UTP20: variants seen among roughly 807,000 people sequenced by gnomAD.
The protein encoded by UTP20 is small subunit processome component 20 homolog.
UTP20 carries 164 observed loss-of-function variants against 329.5 expected under a neutral mutation model. The ratio of observed to expected loss-of-function variants is 0.50; its 90% CI spans 0.44 to 0.57. UTP20 has a LOEUF of 0.57. Ranked by LOEUF, UTP20 falls within the 20% of genes least tolerant of loss-of-function variation. The pLI is 0.00. For synonymous variants in UTP20, 1,151 were observed against 1,159.3 expected, an observed-to-expected ratio of 0.99 and a Z score of 0.14; for missense variants, 3,055 against 3,284.2, an observed-to-expected ratio of 0.93 and a Z score of 1.71.
At position 101,311,237 on chromosome 12, in the gene UTP20, ATGTGATCCATC is replaced by A. The variant is rs1456274743; in HGVS notation, c.2232-480_2232-470del. On this transcript the variant is annotated intron_variant, in intron 19 of 61. Coordinates refer to ENST00000261637, the MANE Select transcript of UTP20 (RefSeq NM_014503.3). ...GGATATCAAACTACATAAGCACTTT[ATGTGATCCATC>A]TAATGTCTCCTTTTAAGTTCTGAAA... 3.3e-5 allele frequency among the ~76,000 whole-genome samples: 5 copies of A among 151,412 alleles called. No homozygotes were observed. The South Asian group carries it at 1.0e-3, about 32-fold the overall frequency.
intron 43 of UTP20, among the ~76,000 whole-genome samples, chr12:101,357,725 G>C (rs915635019): frequency 7.2e-5 from 11 of 152,190 alleles, no homozygotes; most frequent in African/African-American, 2.7e-4. Flanking sequence ...CAGAACTCCA[G>C]CCTGGGCTGC....
intron 45 of UTP20, 123 bp from the exon 46 acceptor site, chr12:101,365,336 T>A (rs554477156): frequency 6.9e-5 from 46 of 664,804 alleles, no homozygotes; most frequent in Admixed American, 1.4e-4. Flanking sequence ...TTAAGAATGC[T>A]TTTTAATTAG....
chr12:101,335,995 A>G (rs1346394871), intron 29 of UTP20, among the ~76,000 whole-genome samples: 9 of 152,094 alleles, frequency 5.9e-5, no homozygotes, highest in Admixed American at 3.3e-4. Context: ...TACAATAGAG[A>G]TTCATTTTTA....
At position 101,286,308 on chromosome 12, in the gene UTP20, T is replaced by A; in HGVS notation, c.327-13T>A. The stretch of plus-strand genomic sequence containing the variant: ...AAAATCCACATGATCAGTTGCTTCT[T>A]TTTTTAATCCAGTTTGGTTGTACAG... On this transcript the variant is annotated splice_polypyrimidine_tract_variant and intron_variant, in intron 4 of 61. Coordinates refer to ENST00000261637, the MANE Select transcript of UTP20 (RefSeq NM_014503.3). 6.4e-7 allele frequency: 1 copy of A among 1,555,708 alleles called. No individual in the cohort carries two copies. The highest frequency in any genetic ancestry group is 8.7e-7 in the Non-Finnish European group (1 of 1,152,726).
intron 38 of UTP20, among the ~76,000 whole-genome samples, chr12:101,351,228 G>A (rs991100896): frequency 1.3e-5 from 2 of 151,940 alleles, no homozygotes; most frequent in Non-Finnish European, 2.9e-5. Context: ...CCGGGATCAA[G>A]TGATCCTCCT....
intron 11 of UTP20, among the ~76,000 whole-genome samples, chr12:101,294,541 CTTT>C (rs1211436109): frequency 7.7e-6 from 1 of 129,294 alleles, no homozygotes; most frequent in Admixed American, 7.8e-5. Context: ...TCTCGTTTTT[CTTT>C]TTTTTTTTTT....
At chr12:101,362,102 G>C (rs1252373677) in intron 44 of UTP20, 42 bp downstream of exon 44, 1 of 1,416,242 alleles carries the variant, frequency 7.1e-7, no homozygotes. Context: ...TTTTAAGTGG[G>C]CCAACGACAC....
intron 57 of UTP20, among the ~76,000 whole-genome samples, chr12:101,380,283 TA>T (rs1299033739): frequency 6.6e-6 from 1 of 151,866 alleles, no homozygotes; most frequent in Non-Finnish European, 1.5e-5. Flanking sequence ...GAGACTTACA[TA>T]GGGGGATCAC....
chr12:101,379,336 A>G, intron 56 of UTP20, 35 bp from the exon 57 acceptor site: 1 of 1,552,594 alleles, frequency 6.4e-7, no homozygotes, highest in South Asian at 1.2e-5. Context: ...CAGGAAGGCC[A>G]TGTGACATCC....
At position 101,346,586 on chromosome 12, in the gene UTP20, A is replaced by G; in HGVS notation, c.4882A>G (p.Lys1628Glu). ...MTPIFDEKMLKHENITTAATE... is the reference protein window; with the variant it reads ...MTPIFDEKMLEHENITTAATE... ...TCCAATTTTTGATGAGAAAATGCTC[A>G]AGGTAGGTCATTAGATCTAGAAACC... The change falls in exon 38 of 62, where the codon AAG (lysine) becomes GAG (glutamate). Residue 1628 changes from lysine to glutamate, a missense_variant and splice_region_variant. Physicochemically the swap from Lys to Glu is moderately conservative, Grantham distance 56 (BLOSUM62 1). Transcript: ENST00000261637. 6.3e-7 allele frequency: 1 copy of G among 1,586,708 alleles called. No homozygotes were observed. Among genetic ancestry groups the G allele is most frequent in the Non-Finnish European group, 8.5e-7 (1 of 1,169,922 alleles).
rs1872567930 is a variant in UTP20 at position 101,303,211 on chromosome 12, C to T, written c.1781+658C>T. Among the ~76,000 whole-genome samples the T allele has an allele frequency of 3.3e-5, 5 of 152,246 alleles. No individual in the cohort carries two copies. In the South Asian group the frequency reaches 1.0e-3, roughly 32 times the overall value. On this transcript the variant is annotated intron_variant, in intron 15 of 61. Coordinates refer to ENST00000261637, the MANE Select transcript of UTP20 (RefSeq NM_014503.3). Reference sequence around the variant, plus strand: ...CATTTGCTTTTCTCACATGCCAAGCCCTGTTCCAGGCACTGTGAAACATAG... The same window carrying T: ...CATTTGCTTTTCTCACATGCCAAGCTCTGTTCCAGGCACTGTGAAACATAG...
Position 101,317,656 on chromosome 12 carries a change from G to C in UTP20, c.2731G>C (p.Ala911Pro). ...ACAGAAGAAAAAGACGAGGAGAGCT[G>C]CAGCAAAGTAAGTTCACCATTGCTG... is the stretch of plus-strand genomic sequence containing the variant. ...SSQKKKTRRA[A>P]AKQLIAHLQV... The change falls in exon 22 of 62, where the codon GCA (alanine) becomes CCA (proline). Residue 911 changes from alanine (A) to proline (P), a missense_variant. By Grantham distance (27) the Ala-to-Pro change is conservative. Around this residue, in one of 3 missense-constraint regions of UTP20, gnomAD observed 2,445 missense variants for 2,575.5 expected, o/e 0.95. Coordinates refer to ENST00000261637, the MANE Select transcript of UTP20 (RefSeq NM_014503.3). 1 of 1,607,876 alleles carries C rather than the reference G, an allele frequency of 6.2e-7. No individual in the cohort carries two copies. The highest frequency in any genetic ancestry group is 8.5e-7 in the Non-Finnish European group (1 of 1,177,390).
rs1374733229 is a variant in UTP20, at chr12:101,333,186, A to C, written c.3418-115A>C. On this transcript the variant is annotated intron_variant, in intron 27 of 61. Coordinates refer to ENST00000261637, the MANE Select transcript of UTP20 (RefSeq NM_014503.3). ...CCATGTAAATCAAGTCAACAGATTT[A>C]GTAACAGGATTTCCAGTTTGATTCT... is the stretch of plus-strand genomic sequence containing the variant. 3 of 983,860 alleles carry C rather than the reference A, an allele frequency of 3.0e-6. No individual in the cohort carries two copies. In the East Asian group the frequency reaches 7.8e-5, roughly 26 times the overall value. The allele number at this position is 983,860 out of a possible 1,614,324, so 60.9% of individuals were successfully genotyped here.
intron 38 of UTP20, among the ~76,000 whole-genome samples, chr12:101,346,976 C>T (rs764980160): frequency 1.3e-5 from 2 of 152,150 alleles, no homozygotes; most frequent in Non-Finnish European, 2.9e-5. Flanking sequence ...TAACACCATA[C>T]CAGGTACCAG....
chr12:101,311,896 G>A, intron 20 of UTP20, 98 bp downstream of exon 20: 6 of 1,552,892 alleles, frequency 3.9e-6, no homozygotes, highest in Non-Finnish European at 5.2e-6. Context: ...AAACAGAGAT[G>A]AAACATATAT....
At chr12:101,297,274 G>A (rs1872387389) in intron 12 of UTP20, among the ~76,000 whole-genome samples, 1 of 152,098 alleles carries the variant, frequency 6.6e-6, no homozygotes, top group Admixed American at 6.6e-5. Context: ...GGAGTGCAGT[G>A]GCACAATCAC....
intron 27 of UTP20, among the ~76,000 whole-genome samples, chr12:101,330,221 C>G (rs977947742): frequency 7.2e-5 from 11 of 152,038 alleles, no homozygotes; most frequent in African/African-American, 2.4e-4. Context: ...AAAAGGTGAT[C>G]TTTGAGCTTA....
At position 101,317,448 on chromosome 12, in the gene UTP20, C is replaced by T. The variant is rs1425218895; in HGVS notation, c.2553-30C>T. ...TTTCAGATTGGTGTGCGTTCTTCAT[C>T]AGTATCCTGTGACTTTCTTTCCACG... On this transcript the variant is annotated intron_variant, in intron 21 of 61. Coordinates refer to ENST00000261637, the MANE Select transcript of UTP20 (RefSeq NM_014503.3). 7 of 1,608,536 alleles carry T rather than the reference C, an allele frequency of 4.4e-6. No homozygotes were observed. In the African/African-American group the frequency reaches 9.4e-5, roughly 22 times the overall value.
rs781599831 is a variant in UTP20 at position 101,286,445 on chromosome 12, T to G, written c.451T>G (p.Ser151Ala). The part of the protein sequence containing the change: ...DTELLEWAFT[S>A]LSYLYKYLWR... ...AGAGTTGTTAGAATGGGCTTTCACC[T>G]CGTTATCATATCTTTATAAGTACCT... The change falls in exon 5 of 62, where the codon TCG becomes GCG. Residue 151 changes from serine (S) to alanine (A), a missense_variant. Physicochemically the swap from Ser to Ala is moderately conservative, Grantham distance 99 (BLOSUM62 1). Coordinates refer to ENST00000261637, the MANE Select transcript of UTP20 (RefSeq NM_014503.3). 4.3e-6 allele frequency: 7 copies of G among 1,613,990 alleles called. No homozygotes were observed. The highest frequency in any genetic ancestry group is 2.2e-5 in the South Asian group (2 of 91,058).
Sources: gnomAD v4.1 joint callset for allele counts (sites outside exome capture counted in the v4.1 genomes callset) on GRCh38, gnomAD v4.1.1 for gene constraint, gnomAD v4.1.1 regional missense constraint, MANE v1.5 for transcripts, NCBI Gene and HGNC (gene_info 2026-07-23, HGNC 2026-07-21) for gene names.